CNTN5: variants seen among roughly 807,000 people sequenced by gnomAD.
CNTN5 encodes the protein contactin 5.
In CNTN5, 77 loss-of-function variants were observed where a neutral mutation model predicts 129.1. That is an observed-to-expected ratio of 0.60 (90% CI 0.50 to 0.72). CNTN5 has a LOEUF of 0.72. CNTN5 is among the 30% of genes least tolerant of loss of function. CNTN5 has a pLI of 0.00. For missense variants in CNTN5, 1,478 were observed against 1,328.8 expected, an observed-to-expected ratio of 1.11 and a Z score of -1.75; for synonymous variants, 509 against 465.6, an observed-to-expected ratio of 1.09 and a Z score of -1.20.
intron 18 of CNTN5, among the ~76,000 whole-genome samples, chr11:100,297,357 T>C (rs1203682906): frequency 6.6e-6 from 1 of 151,500 alleles, no homozygotes; most frequent in African/African-American, 2.4e-5. Context: ...TTATTAGATG[T>C]TCTTAGCTAT....
chr11:100,350,300 A>C (rs959933219), intron 23 of CNTN5, among the ~76,000 whole-genome samples: 1 of 151,628 alleles, frequency 6.6e-6, no homozygotes, highest in Non-Finnish European at 1.5e-5. Flanking sequence ...CTACTTCTCT[A>C]GCCTCATTCC....
intron 6 of CNTN5, among the ~76,000 whole-genome samples, chr11:99,870,765 C>T (rs1021562503): frequency 6.6e-6 from 1 of 151,922 alleles, no homozygotes; most frequent in African/African-American, 2.4e-5. Flanking sequence ...TATTTCCCCT[C>T]TCCTTAAAGG....
At chr11:99,984,767 A>T (rs7112112) in intron 8 of CNTN5, among the ~76,000 whole-genome samples, 1 of 152,038 alleles carries the variant, frequency 6.6e-6, no homozygotes, top group African/African-American at 2.4e-5. Context: ...GGAATGTTGC[A>T]TGCATAAATG....
At chr11:100,227,031 A>G (rs1337330324) in intron 16 of CNTN5, among the ~76,000 whole-genome samples, 4 of 152,054 alleles carry the variant, frequency 2.6e-5, no homozygotes, top group Non-Finnish European at 5.9e-5. Flanking sequence ...TTATTCAAAT[A>G]TGTGTCACAG....
chr11:99,873,035 C>A (rs1163848054), intron 6 of CNTN5, among the ~76,000 whole-genome samples: 1 of 151,908 alleles, frequency 6.6e-6, no homozygotes, highest in Non-Finnish European at 1.5e-5. Context: ...ACAAGCAAAA[C>A]AGACCACAAC....
chr11:99,594,887 T>G (rs901520574), intron 3 of CNTN5, among the ~76,000 whole-genome samples: 1 of 152,234 alleles, frequency 6.6e-6, no homozygotes, highest in Admixed American at 6.5e-5. Flanking sequence ...GGTGATAATA[T>G]GGACTGTTTC....
intron 2 of CNTN5, among the ~76,000 whole-genome samples, chr11:99,448,522 CTAGT>C (rs1310141050): frequency 2.6e-5 from 4 of 151,794 alleles, no homozygotes; most frequent in African/African-American, 7.3e-5. Flanking sequence ...CATTATTTAT[CTAGT>C]TAAAGATAAT....
intron 2 of CNTN5, among the ~76,000 whole-genome samples, chr11:99,378,615 C>T (rs17133433): frequency 0.21 from 31,722 of 151,902 alleles, 3,622 homozygotes; most frequent in African/African-American, 0.31. Context: ...TACTTTACCA[C>T]CCTATCCAAG....
intron 1 of CNTN5, among the ~76,000 whole-genome samples, chr11:99,149,836 T>A (rs951331121): frequency 6.6e-6 from 1 of 152,110 alleles, no homozygotes; most frequent in Non-Finnish European, 1.5e-5. Flanking sequence ...GTCTTTTACA[T>A]AAGTAATAGT....
At chr11:99,254,483 A>G (rs1039535306) in intron 1 of CNTN5, among the ~76,000 whole-genome samples, 8 of 151,984 alleles carry the variant, frequency 5.3e-5, no homozygotes, top group Admixed American at 3.3e-4. Context: ...ATTTTGCATC[A>G]GTAAAATGTA....
chr11:99,679,311 C>T (rs1953449620), intron 3 of CNTN5, among the ~76,000 whole-genome samples: 1 of 151,566 alleles, frequency 6.6e-6, no homozygotes, highest in South Asian at 2.1e-4. Context: ...CTTTATTATA[C>T]TGTGGAGATA....
chr11:99,577,482 G>C (rs1446639826), intron 3 of CNTN5, among the ~76,000 whole-genome samples: 1 of 152,158 alleles, frequency 6.6e-6, no homozygotes, highest in Non-Finnish European at 1.5e-5. Flanking sequence ...TTAACGTACA[G>C]AGTTATGACA....
At chr11:100,001,970 T>G (rs1292320390) in intron 8 of CNTN5, 64 bp from the exon 9 acceptor site, 6 of 1,157,372 alleles carry the variant, frequency 5.2e-6, no homozygotes, top group Non-Finnish European at 4.9e-6. Flanking sequence ...ATGTAACATC[T>G]CCAGGATTAA....
intron 3 of CNTN5, among the ~76,000 whole-genome samples, chr11:99,582,783 C>G (rs963182198): frequency 6.6e-6 from 1 of 152,154 alleles, no homozygotes; most frequent in African/African-American, 2.4e-5. Context: ...CCTCCTTTAG[C>G]TCAGAGTAGT....
chr11:99,290,139 CT>C (rs1864108104), intron 1 of CNTN5, among the ~76,000 whole-genome samples: 1 of 151,638 alleles, frequency 6.6e-6, no homozygotes, highest in Admixed American at 6.6e-5. Flanking sequence ...ACTTAGGACC[CT>C]TATATACTGA....
At chr11:99,979,338 A>G (rs751356760) in intron 8 of CNTN5, among the ~76,000 whole-genome samples, 6 of 152,186 alleles carry the variant, frequency 3.9e-5, no homozygotes, top group Non-Finnish European at 8.8e-5. Flanking sequence ...AAGCATTTGC[A>G]CAGAGGAGTT....
chr11:99,279,264 A>G (rs1306973039), intron 1 of CNTN5, among the ~76,000 whole-genome samples: 1 of 151,816 alleles, frequency 6.6e-6, no homozygotes, highest in Non-Finnish European at 1.5e-5. Context: ...ACACCAAAAT[A>G]CATATGTGTC....
chr11:99,266,693 C>T (rs914416107), intron 1 of CNTN5, among the ~76,000 whole-genome samples: 3 of 151,940 alleles, frequency 2.0e-5, no homozygotes, highest in Non-Finnish European at 4.4e-5. Context: ...ATTACTGTGA[C>T]GTATATTGCA....
intron 6 of CNTN5, among the ~76,000 whole-genome samples, chr11:99,874,211 TAA>T (rs1004099657): frequency 6.6e-6 from 1 of 152,136 alleles, no homozygotes; most frequent in African/African-American, 2.4e-5. Flanking sequence ...AAAATTAAAA[TAA>T]AAAAGATATG....
Sources: gnomAD v4.1 joint callset for allele counts (sites outside exome capture counted in the v4.1 genomes callset) on GRCh38, gnomAD v4.1.1 for gene constraint, MANE v1.5 for transcripts, NCBI Gene and HGNC (gene_info 2026-07-23, HGNC 2026-07-21) for gene names.